PLXDC2: variants seen among roughly 807,000 people sequenced by gnomAD.
The protein encoded by PLXDC2 is plexin domain-containing protein 2.
PLXDC2 carries 40 observed loss-of-function variants against 68.9 expected under a neutral mutation model. The observed-to-expected ratio is 0.58, with a 90% confidence interval of 0.45 to 0.76. The LOEUF (loss-of-function observed/expected upper bound fraction) is 0.76, where lower values mean the gene tolerates loss of function less well. PLXDC2 is among the 30% of genes least tolerant of loss of function. The pLI is 0.00. For missense variants in PLXDC2, 644 were observed against 661.9 expected (o/e 0.97, Z 0.30); for synonymous variants, 243 against 234.2 (o/e 1.04, Z -0.34).
chr10:20,146,510 TCCTTCCTTCCTC>T (rs1440188230), intron 5 of PLXDC2, among the ~76,000 whole-genome samples: 127 of 145,326 alleles, frequency 8.7e-4, no homozygotes, highest in African/African-American at 2.7e-3. Flanking sequence ...CTTCCTTCCT[TCCTTCCTTCCTC>T]CCTCCCTCCC....
intron 9 of PLXDC2, among the ~76,000 whole-genome samples, chr10:20,206,203 T>A (rs1056033128): frequency 6.6e-6 from 1 of 152,134 alleles, no homozygotes; most frequent in African/African-American, 2.4e-5. Flanking sequence ...AAATAACTTA[T>A]CTAAGATCAC....
chr10:19,974,937 T>C (rs536198777), intron 1 of PLXDC2, among the ~76,000 whole-genome samples: 5 of 152,244 alleles, frequency 3.3e-5, no homozygotes, highest in African/African-American at 1.2e-4. Flanking sequence ...ATAATGAAAA[T>C]GAGTGTGTTA....
At chr10:20,212,744 C>A (rs901324285) in intron 10 of PLXDC2, among the ~76,000 whole-genome samples, 4 of 152,068 alleles carry the variant, frequency 2.6e-5, no homozygotes, top group Admixed American at 6.6e-5. Context: ...TGCAGTATTG[C>A]CAGTGTAGCT....
chr10:19,835,626 G>A (rs75113261), intron 1 of PLXDC2, among the ~76,000 whole-genome samples: 1 of 152,168 alleles, frequency 6.6e-6, no homozygotes, highest in African/African-American at 2.4e-5. Flanking sequence ...AGAGCAGAGG[G>A]TCAAGGTCAG....
At chr10:20,102,282 GATTAA>G (rs1395458177) in intron 4 of PLXDC2, among the ~76,000 whole-genome samples, 55 of 152,198 alleles carry the variant, frequency 3.6e-4, no homozygotes, top group African/African-American at 1.3e-3. Flanking sequence ...TACATATATT[GATTAA>G]ATTATTTTGA....
chr10:19,901,226 C>T (rs928021956), intron 1 of PLXDC2, among the ~76,000 whole-genome samples: 19 of 151,968 alleles, frequency 1.3e-4, no homozygotes, highest in Middle Eastern at 3.2e-3. Flanking sequence ...GGTAGATCTA[C>T]TTTTATTTCT....
At position 20,046,920 on chromosome 10, in the gene PLXDC2, T is replaced by C. The variant is rs377305104; in HGVS notation, c.376T>C (p.Ser126Pro). The change falls in exon 3 of 14, where the codon TCT (serine) becomes CCT (proline). Residue 126 changes from serine (S) to proline (P), a missense_variant. Coordinates refer to ENST00000377252, the MANE Select transcript of PLXDC2 (RefSeq NM_032812.9). Reference sequence around the variant, plus strand: ...ATCTCGAATATATGGTCCATCTGATTCTGCCAGCCGGGATTTATGGGTGAA... The same window carrying C: ...ATCTCGAATATATGGTCCATCTGATCCTGCCAGCCGGGATTTATGGGTGAA... ...YISRIYGPSD[S>P]ASRDLWVNID... 38 of 1,612,720 alleles carry C rather than the reference T, an allele frequency of 2.4e-5. No homozygotes were observed. The Admixed American group carries it at 5.5e-4, about 23-fold the overall frequency.
intron 3 of PLXDC2, among the ~76,000 whole-genome samples, chr10:20,052,365 C>G (rs1030313991): frequency 1.3e-5 from 2 of 151,894 alleles, no homozygotes; most frequent in African/African-American, 4.8e-5. Flanking sequence ...TCCATTGTGA[C>G]TTTCTGAGAA....
chr10:20,194,102 T>C (rs1346799804), intron 9 of PLXDC2, among the ~76,000 whole-genome samples: 6 of 151,926 alleles, frequency 3.9e-5, no homozygotes, highest in African/African-American at 1.4e-4. Context: ...AACAAAGCTT[T>C]CTTTATATTA....
At chr10:20,209,544 C>T (rs1393681848) in intron 9 of PLXDC2, among the ~76,000 whole-genome samples, 1 of 151,472 alleles carries the variant, frequency 6.6e-6, no homozygotes, top group Non-Finnish European at 1.5e-5. Flanking sequence ...AAAAAGAATT[C>T]AGTGATATTT....
chr10:20,272,477 G>C (rs1835952664), intron 13 of PLXDC2, among the ~76,000 whole-genome samples: 1 of 152,044 alleles, frequency 6.6e-6, no homozygotes, highest in South Asian at 2.1e-4. Flanking sequence ...AAGAGAGCTT[G>C]TCACCCATGA....
chr10:19,830,458 C>T (rs1836666673), intron 1 of PLXDC2, among the ~76,000 whole-genome samples: 1 of 152,166 alleles, frequency 6.6e-6, no homozygotes, highest in South Asian at 2.1e-4. Context: ...TTTCTTGAAA[C>T]ATTCTCCAGA....
chr10:19,916,713 A>G (rs1183117693), intron 1 of PLXDC2, among the ~76,000 whole-genome samples: 1 of 152,182 alleles, frequency 6.6e-6, no homozygotes, highest in South Asian at 2.1e-4. Flanking sequence ...GCTGCAGTGA[A>G]CTCAAACTTT....
Position 20,028,865 on chromosome 10 carries a change from A to C in PLXDC2, c.325-18004A>C, listed in dbSNP as rs1395642651. 1.3e-5 allele frequency among the ~76,000 whole-genome samples: 2 copies of C among 152,178 alleles called. 1 individual carries two copies. Among genetic ancestry groups the C allele is most frequent in the African/African-American group, 4.8e-5 (2 of 41,440 alleles). On this transcript the variant is annotated intron_variant, in intron 2 of 13. Transcript: ENST00000377252. Reference sequence around the variant, plus strand: ...GATTGTTCCTTCTAAGTCCACATTTAATCCATTGCTTCCAAGTCTCTCTTC... The same window carrying C: ...GATTGTTCCTTCTAAGTCCACATTTCATCCATTGCTTCCAAGTCTCTCTTC...
At chr10:20,255,385 C>T (rs960572152) in intron 13 of PLXDC2, among the ~76,000 whole-genome samples, 7 of 152,154 alleles carry the variant, frequency 4.6e-5, no homozygotes, top group African/African-American at 1.7e-4. Flanking sequence ...CTTCTGTTAC[C>T]TCTTGAAGAG....
At chr10:20,205,810 G>A (rs775185658) in intron 9 of PLXDC2, among the ~76,000 whole-genome samples, 3 of 151,902 alleles carry the variant, frequency 2.0e-5, no homozygotes, top group Non-Finnish European at 2.9e-5. Context: ...TTACAGATGA[G>A]GAAACAGGCT....
At chr10:20,003,402 C>T (rs996527140) in intron 2 of PLXDC2, among the ~76,000 whole-genome samples, 1 of 151,972 alleles carries the variant, frequency 6.6e-6, no homozygotes, top group African/African-American at 2.4e-5. Context: ...CATGGCAAAC[C>T]TGGAGGTAGG....
chr10:20,228,799 C>G (rs1183880544), intron 12 of PLXDC2, among the ~76,000 whole-genome samples: 1 of 151,824 alleles, frequency 6.6e-6, no homozygotes, highest in African/African-American at 2.4e-5. Context: ...ATCACAGAAA[C>G]CAAAAGAGAA....
At chr10:19,970,865 G>A (rs1834340494) in intron 1 of PLXDC2, among the ~76,000 whole-genome samples, 2 of 152,142 alleles carry the variant, frequency 1.3e-5, no homozygotes, top group Admixed American at 1.3e-4. Flanking sequence ...CCCCTGAGTA[G>A]TCCTAAAACA....
Sources: allele counts gnomAD v4.1 joint callset (sites outside exome capture counted in the v4.1 genomes callset), GRCh38; gene constraint gnomAD v4.1.1; transcripts MANE v1.5; gene names NCBI Gene and HGNC (gene_info 2026-07-23, HGNC 2026-07-21).